Variants in SEM1 observed in about 807,000 individuals in gnomAD.
SEM1 encodes 26S proteasome complex subunit SEM1.
Under a neutral mutation model 12.7 loss-of-function variants are expected in SEM1, and 3 were observed. That is an observed-to-expected ratio of 0.24 (90% CI 0.11 to 0.61). The LOEUF is 0.61. Ranked by LOEUF, SEM1 falls within the 20% of genes least tolerant of loss-of-function variation. SEM1 has a pLI of 0.88. For missense variants in SEM1, 59 were observed against 81.3 expected, an observed-to-expected ratio of 0.73 and a Z score of 1.06; for synonymous variants, 30 against 27.8, an observed-to-expected ratio of 1.08 and a Z score of -0.25.
chr7:96,682,455 T>C (rs562104041), intron 2 of SEM1, among the ~76,000 whole-genome samples: 2 of 152,248 alleles, frequency 1.3e-5, no homozygotes, highest in South Asian at 4.2e-4. Context: ...GTCATCCTTG[T>C]CTTGTACCGG....
intron 1 of SEM1, among the ~76,000 whole-genome samples, chr7:96,487,225 C>T (rs1802808987): frequency 6.7e-6 from 1 of 149,864 alleles, no homozygotes; most frequent in South Asian, 2.1e-4. Flanking sequence ...GATGGAAGCA[C>T]TTTTTAAAAA....
At chr7:96,665,956 C>T (rs947858008) in intron 2 of SEM1, among the ~76,000 whole-genome samples, 2 of 152,148 alleles carry the variant, frequency 1.3e-5, no homozygotes, top group Non-Finnish European at 2.9e-5. Flanking sequence ...GACCACGCAG[C>T]TAGTAAGGGT....
chr7:96,483,874 T>C (rs751647481), exon 4 of SEM1: 229 of 1,536,634 alleles, frequency 1.5e-4, no homozygotes, highest in Non-Finnish European at 1.9e-4. Context: ...AAGTTCTTTC[T>C]GCTGGGGCCA....
At chr7:96,587,878 A>T (rs185330258) in intron 2 of SEM1, among the ~76,000 whole-genome samples, 85 of 152,340 alleles carry the variant, frequency 5.6e-4, no homozygotes, top group African/African-American at 1.9e-3. Flanking sequence ...CAGACACTGA[A>T]GAGATATTTA....
Position 96,688,850 on chromosome 7 carries a change from C to A in SEM1, c.*74G>T. The A allele has an allele frequency of 1.2e-6, 1 of 825,354 alleles. No individual in the cohort carries two copies. Among genetic ancestry groups the A allele is most frequent in the Non-Finnish European group, 2.0e-6 (1 of 493,894 alleles). The allele number at this position is 825,354 out of a possible 1,614,324, so 51.1% of individuals were successfully genotyped here. On this transcript the variant is annotated 3_prime_UTR_variant, in exon 3 of 3. Transcript: ENST00000248566. Reference sequence around the variant, plus strand: ...TGAAATAAACACATTTTTTTAGTGTCCCATCCTGGGTTCTCTGCCCTAGAA... The same window carrying A: ...TGAAATAAACACATTTTTTTAGTGTACCATCCTGGGTTCTCTGCCCTAGAA...
At chr7:96,676,807 GT>G (rs1307760779) in intron 2 of SEM1, among the ~76,000 whole-genome samples, 1 of 152,262 alleles carries the variant, frequency 6.6e-6, no homozygotes, top group East Asian at 1.9e-4. Context: ...CAGCATTATT[GT>G]TAAGAAGGAA....
chr7:96,528,168 T>C (rs771106944), intron 2 of SEM1, among the ~76,000 whole-genome samples: 5 of 152,136 alleles, frequency 3.3e-5, no homozygotes, highest in African/African-American at 4.8e-5. Flanking sequence ...GCCCATTGTA[T>C]GTATGCTCAT....
chr7:96,495,941 C>CT (rs1421603658), intron 1 of SEM1, among the ~76,000 whole-genome samples: 1 of 152,068 alleles, frequency 6.6e-6, no homozygotes, highest in East Asian at 1.9e-4. Context: ...CATACACCAC[C>CT]TAAATGAACA....
At position 96,615,239 on chromosome 7, in the gene SEM1, A is replaced by ATTTTTTTTTTTTTTTT. The variant is rs1421596853; in HGVS notation, c.170+79558_170+79559insAAAAAAAAAAAAAAAA. ...GGACTGTTGGGTTATTTTTTGAGTC[A>ATTTTTTTTTTTTTTTT]TCTTTTTTTTTTTTTTTTTTTTTTT... On this transcript the variant is annotated intron_variant and NMD_transcript_variant, in intron 2 of 3. Transcript: ENST00000466986. 5.0e-4 allele frequency among the ~76,000 whole-genome samples: 49 copies of ATTTTTTTTTTTTTTTT among 98,082 alleles called. 3 individuals carry two copies. The highest frequency in any genetic ancestry group is 1.7e-3 in the African/African-American group (40 of 23,740). The allele number at this position is 98,082 out of a possible 152,430, so 64.3% of individuals were successfully genotyped here. A position where few individuals can be genotyped will look rare whatever the true frequency, so the allele number is the denominator to read the frequency against.
intron 1 of SEM1, among the ~76,000 whole-genome samples, chr7:96,494,802 G>T (rs1397327000): frequency 6.7e-6 from 1 of 149,488 alleles, no homozygotes; most frequent in Non-Finnish European, 1.5e-5. Flanking sequence ...TCAGGCCATA[G>T]AAATATTGTG....
intron 1 of SEM1, among the ~76,000 whole-genome samples, chr7:96,708,520 CTCTT>C (rs1490628044): frequency 3.9e-5 from 6 of 152,310 alleles, no homozygotes; most frequent in Admixed American, 1.3e-4. Flanking sequence ...AACCACAATT[CTCTT>C]TCTACCACCT....
chr7:96,567,114 GAAGTA>G (rs1805864950), intron 2 of SEM1, among the ~76,000 whole-genome samples: 1 of 151,516 alleles, frequency 6.6e-6, no homozygotes, highest in Non-Finnish European at 1.5e-5. Context: ...AATTATCTGT[GAAGTA>G]ATTTCATTGG....
chr7:96,697,133 T>C (rs1411913681), intron 1 of SEM1: 4 of 151,754 alleles, frequency 2.6e-5, no homozygotes, highest in Non-Finnish European at 4.4e-5. Context: ...CACAGCTGTA[T>C]TTGCTTCAAT....
At chr7:96,562,986 A>T (rs1253304195) in intron 2 of SEM1, among the ~76,000 whole-genome samples, 1 of 152,184 alleles carries the variant, frequency 6.6e-6, no homozygotes, top group African/African-American at 2.4e-5. Context: ...GGAAGATGAT[A>T]AGATGTGAGT....
chr7:96,491,993 GTTTCTTGGAAGCAC>G (rs1029560512), intron 1 of SEM1, among the ~76,000 whole-genome samples: 35 of 152,198 alleles, frequency 2.3e-4, no homozygotes, highest in African/African-American at 8.2e-4. Flanking sequence ...GATTCCACTT[GTTTCTTGGAAGCAC>G]TTCCTTGGTT....
At chr7:96,482,431 A>T (rs746251694) in exon 4 of SEM1, 7 of 152,206 alleles carry the variant, frequency 4.6e-5, no homozygotes, top group Non-Finnish European at 8.8e-5. Context: ...ATCCAAATGT[A>T]TACATCACAT....
chr7:96,661,236 AG>A (rs1788991602), intron 2 of SEM1, among the ~76,000 whole-genome samples: 1 of 152,184 alleles, frequency 6.6e-6, no homozygotes, highest in Non-Finnish European at 1.5e-5. Context: ...ACTTCTCAAA[AG>A]ACATGAAAGA....
chr7:96,647,318 A>G (rs1222563959), intron 2 of SEM1: 2 of 152,226 alleles, frequency 1.3e-5, no homozygotes, highest in Non-Finnish European at 2.9e-5. Flanking sequence ...TGCATGTCAT[A>G]TAGTGCTTGG....
rs80045237 is a variant in SEM1 at position 96,523,030 on chromosome 7, T to C, written c.171-16332A>G. On this transcript the variant is annotated intron_variant and NMD_transcript_variant, in intron 2 of 3. Coordinates refer to the SEM1 transcript ENST00000466986. ...GCTTCTGCTTAACAATCTGTGAAGA[T>C]GAACTGTGGCTCAGCTTTGTGTTAT... Among the ~76,000 whole-genome samples the C allele has an allele frequency of 6.1e-3, 928 of 152,242 alleles. 12 individuals carry two copies. Among genetic ancestry groups the C allele is most frequent in the African/African-American group, 0.021 (890 of 41,572 alleles).
Sources: gnomAD v4.1 joint callset for allele counts (sites outside exome capture counted in the v4.1 genomes callset) on GRCh38, gnomAD v4.1.1 for gene constraint, MANE v1.5 for transcripts, NCBI Gene and HGNC (gene_info 2026-07-23, HGNC 2026-07-21) for gene names.